Variants in FAM171A1 observed in about 807,000 individuals in gnomAD.
The protein encoded by FAM171A1 is family with sequence similarity 171 member A1, also known as protein FAM171A1.
A neutral mutation model predicts 74.9 loss-of-function variants in FAM171A1; 23 were observed. That is an observed-to-expected ratio of 0.31 (90% CI 0.22 to 0.44). FAM171A1 has a LOEUF of 0.44. FAM171A1 is among the 20% of genes least tolerant of loss of function. FAM171A1 has a pLI of 1.00. For missense variants in FAM171A1, 1,162 were observed against 1,159.2 expected, an observed-to-expected ratio of 1.00 and a Z score of -0.03; for synonymous variants, 527 against 505.7, an observed-to-expected ratio of 1.04 and a Z score of -0.57.
chr10:15,271,559 C>T (rs1195730383), intron 3 of FAM171A1, among the ~76,000 whole-genome samples: 1 of 152,140 alleles, frequency 6.6e-6, no homozygotes, highest in East Asian at 1.9e-4. Context: ...TCGAGAAGAG[C>T]AACTCCAAGA....
chr10:15,322,601 AG>A (rs1835499843), intron 1 of FAM171A1, among the ~76,000 whole-genome samples: 1 of 152,156 alleles, frequency 6.6e-6, no homozygotes, highest in Admixed American at 6.5e-5. Context: ...CCCATTTAAT[AG>A]TAACTGTTCA....
At chr10:15,368,046 A>C (rs1836087474) in intron 1 of FAM171A1, among the ~76,000 whole-genome samples, 2 of 152,244 alleles carry the variant, frequency 1.3e-5, no homozygotes, top group Non-Finnish European at 2.9e-5. Flanking sequence ...ACTTTTGAAC[A>C]ACAATTTTGA....
intron 5 of FAM171A1, among the ~76,000 whole-genome samples, chr10:15,226,204 G>A (rs866590076): frequency 6.6e-6 from 1 of 152,142 alleles, no homozygotes; most frequent in South Asian, 2.1e-4. Context: ...CTGCAGCTGC[G>A]CCAACCTGGT....
chr10:15,322,496 T>G (rs1835498551), intron 1 of FAM171A1, among the ~76,000 whole-genome samples: 1 of 152,146 alleles, frequency 6.6e-6, no homozygotes, highest in African/African-American at 2.4e-5. Flanking sequence ...CTAGGTGGAG[T>G]TAGGGCTGAT....
intron 3 of FAM171A1, among the ~76,000 whole-genome samples, chr10:15,266,504 G>C (rs7914073): frequency 0.11 from 16,940 of 152,000 alleles, 1,117 homozygotes; most frequent in Middle Eastern, 0.17. Context: ...TGGCAGAGGA[G>C]GTGGAAAGCC....
chr10:15,260,616 C>T (rs1588517672), intron 3 of FAM171A1, among the ~76,000 whole-genome samples: 1 of 152,168 alleles, frequency 6.6e-6, no homozygotes, highest in South Asian at 2.1e-4. Context: ...GCACTATGTT[C>T]TGTATACAGT....
intron 3 of FAM171A1, among the ~76,000 whole-genome samples, chr10:15,255,733 T>G (rs1834571941): frequency 6.6e-6 from 1 of 151,616 alleles, no homozygotes; most frequent in South Asian, 2.1e-4. Context: ...CCCTGCAACC[T>G]CTGCCTCCCG....
intron 1 of FAM171A1, among the ~76,000 whole-genome samples, chr10:15,363,844 C>T (rs1363392825): frequency 6.6e-6 from 1 of 152,186 alleles, no homozygotes; most frequent in Non-Finnish European, 1.5e-5. Context: ...TCCCTCTATT[C>T]CCCAACAGAT....
chr10:15,245,053 T>C (rs1261677975), intron 5 of FAM171A1, among the ~76,000 whole-genome samples: 1 of 151,402 alleles, frequency 6.6e-6, no homozygotes, highest in Non-Finnish European at 1.5e-5. Context: ...TGACTTTGCT[T>C]TTTTTTTTCT....
chr10:15,245,081 T>A (rs1360471880), intron 5 of FAM171A1, among the ~76,000 whole-genome samples: 1 of 151,634 alleles, frequency 6.6e-6, no homozygotes, highest in East Asian at 1.9e-4. Context: ...TTATTTATTT[T>A]TTGAGACGGT....
chr10:15,340,784 C>A (rs7900560), intron 1 of FAM171A1, among the ~76,000 whole-genome samples: 83,031 of 151,802 alleles, frequency 0.55, 23,221 homozygotes, highest in Non-Finnish European at 0.61. Flanking sequence ...CAGCAAAGGG[C>A]ACCTCCCAAT....
At chr10:15,357,049 C>T (rs565202800) in intron 1 of FAM171A1, among the ~76,000 whole-genome samples, 2 of 152,190 alleles carry the variant, frequency 1.3e-5, no homozygotes. Context: ...GAAGCTGAGG[C>T]GGGTGGATCA....
chr10:15,223,585 T>C (rs551183730), intron 5 of FAM171A1, among the ~76,000 whole-genome samples: 3 of 152,162 alleles, frequency 2.0e-5, no homozygotes, highest in African/African-American at 4.8e-5. Context: ...CGATAACCAA[T>C]TGAAACAGAC....
At chr10:15,231,806 T>TCTGTA (rs1834210343) in intron 5 of FAM171A1, among the ~76,000 whole-genome samples, 1 of 152,084 alleles carries the variant, frequency 6.6e-6, no homozygotes, top group Admixed American at 6.6e-5. Context: ...TACAGATGGC[T>TCTGTA]GGGTGTGGTG....
chr10:15,316,278 T>C (rs933823657), intron 1 of FAM171A1, among the ~76,000 whole-genome samples: 1 of 152,232 alleles, frequency 6.6e-6, no homozygotes, highest in Non-Finnish European at 1.5e-5. Context: ...ATTTTCTGTT[T>C]AGAGTGTCAG....
intron 3 of FAM171A1, among the ~76,000 whole-genome samples, chr10:15,264,506 G>A (rs1028570806): frequency 2.6e-5 from 4 of 151,952 alleles, no homozygotes; most frequent in Non-Finnish European, 5.9e-5. Flanking sequence ...TATTAGTTTT[G>A]TAGACAATAC....
chr10:15,330,641 T>A lies in FAM171A1; in HGVS notation c.97+40315A>T, dbSNP rs188121449. On this transcript the variant is annotated intron_variant, in intron 1 of 7. Transcript: ENST00000378116. The stretch of plus-strand genomic sequence containing the variant: ...GCAGCCTCTTACTCACCTTTTCTAC[T>A]ATGGCCTAAAAAGCACTCCTGAACA... 1.5e-3 allele frequency among the ~76,000 whole-genome samples: 235 copies of A among 151,998 alleles called. 2 individuals carry two copies. The highest frequency in any genetic ancestry group is 1.7e-3 in the Non-Finnish European group (115 of 67,980).
chr10:15,234,364 T>C (rs936072318), intron 5 of FAM171A1, among the ~76,000 whole-genome samples: 1 of 152,188 alleles, frequency 6.6e-6, no homozygotes, highest in Admixed American at 6.5e-5. Flanking sequence ...CCGTTGAGGG[T>C]AGCTGCCCAG....
At chr10:15,296,147 G>T (rs1835158537) in intron 1 of FAM171A1, among the ~76,000 whole-genome samples, 2 of 152,090 alleles carry the variant, frequency 1.3e-5, no homozygotes, top group South Asian at 4.1e-4. Flanking sequence ...GTTTTCCTGT[G>T]TAATCTGATG....
Sources: gnomAD v4.1 joint callset for allele counts (sites outside exome capture counted in the v4.1 genomes callset) on GRCh38, gnomAD v4.1.1 for gene constraint, MANE v1.5 for transcripts, NCBI Gene and HGNC (gene_info 2026-07-23, HGNC 2026-07-21) for gene names.